Variants in SYNPR observed in about 807,000 individuals in gnomAD.
The protein encoded by SYNPR is synaptoporin.
SYNPR carries 23 observed loss-of-function variants against 32.9 expected under a neutral mutation model. That is an observed-to-expected ratio of 0.70 (90% CI 0.50 to 0.99). The LOEUF (loss-of-function observed/expected upper bound fraction) is 0.99. Ranked by LOEUF, SYNPR falls within the 50% of genes least tolerant of loss-of-function variation. SYNPR has a pLI of 0.00. For missense variants in SYNPR, 318 were observed against 349.3 expected (o/e 0.91, Z 0.71); for synonymous variants, 146 against 135.9 (o/e 1.07, Z -0.52).
At chr3:63,515,748 C>T (rs1701785386) in intron 3 of SYNPR, among the ~76,000 whole-genome samples, 1 of 152,018 alleles carries the variant, frequency 6.6e-6, no homozygotes, top group Non-Finnish European at 1.5e-5. Flanking sequence ...TCAGAAGGCA[C>T]CTGAATGAAA....
intron 3 of SYNPR, among the ~76,000 whole-genome samples, chr3:63,482,460 C>T (rs12630244): frequency 0.22 from 33,514 of 151,940 alleles, 4,002 homozygotes; most frequent in East Asian, 0.3. Context: ...AAGAAGGGAG[C>T]TTAATGCCAC....
intron 2 of SYNPR, among the ~76,000 whole-genome samples, chr3:63,398,607 G>A (rs905262161): frequency 6.6e-6 from 1 of 151,832 alleles, no homozygotes; most frequent in African/African-American, 2.4e-5. Flanking sequence ...ACTCCCAGCT[G>A]CTCAGGAGGC....
intron 2 of SYNPR, among the ~76,000 whole-genome samples, chr3:63,304,441 A>T (rs1362119279): frequency 6.6e-6 from 1 of 151,836 alleles, no homozygotes. Flanking sequence ...ACAATGTCTG[A>T]ATTGCTATGA....
At chr3:63,539,555 G>A (rs2106801083) in intron 3 of SYNPR, among the ~76,000 whole-genome samples, 1 of 152,198 alleles carries the variant, frequency 6.6e-6, no homozygotes, top group Non-Finnish European at 1.5e-5. Flanking sequence ...CACAAAAGAA[G>A]GGTATGGTCC....
intron 4 of SYNPR, among the ~76,000 whole-genome samples, chr3:63,570,722 T>G (rs1422582092): frequency 2.0e-5 from 3 of 152,194 alleles, no homozygotes; most frequent in African/African-American, 7.2e-5. Flanking sequence ...TAAAAATCAT[T>G]CTTTGTGCAA....
rs2087390082 is a variant in SYNPR, at chr3:63,343,180, G to A, written c.84+64438G>A. On this transcript the variant is annotated intron_variant, in intron 2 of 5. Coordinates refer to ENST00000478300, the MANE Select transcript of SYNPR (RefSeq NM_001130003.2). The stretch of plus-strand genomic sequence containing the variant: ...AAAGAGCAACAAGGAATTGAATCTG[G>A]AGAGGAGGACAGAGACCACGGGATG... Among the ~76,000 whole-genome samples, 3 of 152,168 alleles carry A rather than the reference G, an allele frequency of 2.0e-5. No homozygotes were observed. The South Asian group carries it at 6.2e-4, about 32-fold the overall frequency.
At chr3:63,413,817 A>T (rs1217112236) in intron 2 of SYNPR, among the ~76,000 whole-genome samples, 1 of 152,130 alleles carries the variant, frequency 6.6e-6, no homozygotes, top group Non-Finnish European at 1.5e-5. Context: ...TGCTGCCCAG[A>T]TGTGAAAGGC....
chr3:63,575,267 C>T (rs1702956631), intron 4 of SYNPR, among the ~76,000 whole-genome samples: 1 of 152,056 alleles, frequency 6.6e-6, no homozygotes, highest in Non-Finnish European at 1.5e-5. Context: ...TTATTCCAGG[C>T]CCTCGTTTCA....
At chr3:63,305,573 A>G (rs183117903) in intron 2 of SYNPR, among the ~76,000 whole-genome samples, 29 of 152,196 alleles carry the variant, frequency 1.9e-4, no homozygotes, top group Non-Finnish European at 2.9e-4. Context: ...ACATTGTGAT[A>G]AATAACAACC....
At chr3:63,526,375 T>C (rs6770765) in intron 3 of SYNPR, among the ~76,000 whole-genome samples, 17,506 of 152,274 alleles carry the variant, frequency 0.11, 1,176 homozygotes, top group Middle Eastern at 0.22. Context: ...GCTGTTCACC[T>C]GTTCACTTTG....
At chr3:63,543,609 A>G (rs1010324851) in intron 3 of SYNPR, among the ~76,000 whole-genome samples, 2 of 152,056 alleles carry the variant, frequency 1.3e-5, no homozygotes, top group African/African-American at 2.4e-5. Flanking sequence ...TGACCCTTCT[A>G]TGACTAGATC....
upstream of SYNPR, among the ~76,000 whole-genome samples, chr3:63,277,657 T>C (rs1031387736): frequency 6.6e-6 from 1 of 152,198 alleles, no homozygotes; most frequent in Non-Finnish European, 1.5e-5. Flanking sequence ...TCAAGATTAA[T>C]TTGTTTCCAC....
At chr3:63,459,475 C>G (rs1700542660) in intron 2 of SYNPR, among the ~76,000 whole-genome samples, 1 of 152,122 alleles carries the variant, frequency 6.6e-6, no homozygotes, top group Non-Finnish European at 1.5e-5. Context: ...TACGTTTCAT[C>G]CTAAATTATC....
chr3:63,362,476 T>C (rs1233978312), intron 2 of SYNPR, among the ~76,000 whole-genome samples: 1 of 152,046 alleles, frequency 6.6e-6, no homozygotes, highest in Non-Finnish European at 1.5e-5. Context: ...TCTAGCTTCA[T>C]GGATGGGTTT....
At chr3:63,261,431 T>C (rs561268305) in intron 2 of SYNPR, among the ~76,000 whole-genome samples, 21 of 151,104 alleles carry the variant, frequency 1.4e-4, no homozygotes, top group East Asian at 1.4e-3. Flanking sequence ...ATGGATGAAA[T>C]TGGAAATCAT....
chr3:63,377,503 A>G (rs2087909654), intron 2 of SYNPR, among the ~76,000 whole-genome samples: 1 of 152,090 alleles, frequency 6.6e-6, no homozygotes, highest in Non-Finnish European at 1.5e-5. Flanking sequence ...ATGCCAACCT[A>G]TCATCTTTTA....
upstream of SYNPR, among the ~76,000 whole-genome samples, chr3:63,223,532 T>A (rs1325776487): frequency 6.6e-6 from 1 of 152,076 alleles, no homozygotes; most frequent in Non-Finnish European, 1.5e-5. Context: ...CTTAACAGAC[T>A]ATCGCCATGG....
Position 63,535,916 on chromosome 3 carries a change from AC to A in SYNPR, c.210-20626del, listed in dbSNP as rs1450378925. ...AATGGTATCAAAGGTATAGACAACCACAAAAAAATAGATAAACTGGATTTCA... is the reference window on the plus strand; with the variant it reads ...AATGGTATCAAAGGTATAGACAACCAAAAAAAATAGATAAACTGGATTTCA... On this transcript the variant is annotated intron_variant, in intron 3 of 5. Coordinates refer to ENST00000478300, the MANE Select transcript of SYNPR (RefSeq NM_001130003.2). Among the ~76,000 whole-genome samples, 4 of 152,174 alleles carry A rather than the reference AC, an allele frequency of 2.6e-5. No individual in the cohort carries two copies. The East Asian group carries it at 7.7e-4, about 29-fold the overall frequency.
intron 2 of SYNPR, among the ~76,000 whole-genome samples, chr3:63,442,086 A>C (rs1700188156): frequency 6.6e-6 from 1 of 151,920 alleles, no homozygotes; most frequent in African/African-American, 2.4e-5. Flanking sequence ...CCTATCCACC[A>C]AGTTGTTACT....
Sources: allele counts gnomAD v4.1 joint callset (sites outside exome capture counted in the v4.1 genomes callset), GRCh38; gene constraint gnomAD v4.1.1; transcripts MANE v1.5; gene names NCBI Gene and HGNC (gene_info 2026-07-23, HGNC 2026-07-21).